Variants in ACTN2 observed in about 807,000 individuals in gnomAD.
The protein encoded by ACTN2 is actinin alpha 2.
ACTN2 carries 39 observed loss-of-function variants against 113.8 expected under a neutral mutation model. The observed-to-expected ratio is 0.34, with a 90% CI of 0.27 to 0.45. ACTN2 has a LOEUF of 0.45. Among genes scored for constraint, ACTN2 ranks in the 20% least tolerant of loss-of-function variants. The probability of loss-of-function intolerance (pLI) is 1.00; values close to 1 mark genes in which losing one functional copy is unlikely to be tolerated. For synonymous variants in ACTN2, 429 were observed against 444.1 expected (o/e 0.97, Z 0.43); for missense variants, 992 against 1,177.9 (o/e 0.84, Z 2.31).
intron 4 of ACTN2, 119 bp downstream of exon 4, chr1:236,720,310 A>G: frequency 1.2e-6 from 1 of 823,294 alleles, no homozygotes; most frequent in East Asian, 2.6e-5. Context: ...AGAGACATGT[A>G]AGTGGGTTCT....
chr1:236,745,425 C>T (rs1659203616), intron 12 of ACTN2, among the ~76,000 whole-genome samples: 1 of 152,146 alleles, frequency 6.6e-6, no homozygotes. Context: ...CAGAGCGGGA[C>T]TCCGTCTCAA....
chr1:236,688,957 G>A (rs1316231635), intron 1 of ACTN2, among the ~76,000 whole-genome samples: 2 of 152,148 alleles, frequency 1.3e-5, no homozygotes, highest in African/African-American at 4.8e-5. Context: ...CGTCCGTGGC[G>A]TTATAATGGA....
At chr1:236,734,139 C>T (rs185969541) in intron 7 of ACTN2, among the ~76,000 whole-genome samples, 147 of 152,194 alleles carry the variant, frequency 9.7e-4, no homozygotes, top group African/African-American at 2.9e-3. Flanking sequence ...TGTTCAATTC[C>T]GAGGGCCTAA....
At chr1:236,733,132 C>T (rs990718878) in intron 7 of ACTN2, among the ~76,000 whole-genome samples, 13 of 152,164 alleles carry the variant, frequency 8.5e-5, no homozygotes, top group Non-Finnish European at 2.9e-5. Context: ...CTGTCCTAAG[C>T]TAAGTTTATA....
chr1:236,757,493 G>A lies in ACTN2; in HGVS notation c.2162G>A (p.Arg721His), dbSNP rs546431200. ...KHTNYTMEHIRVGWELLLTTI... is the reference protein window; with the variant it reads ...KHTNYTMEHIHVGWELLLTTI... The stretch of plus-strand genomic sequence containing the variant: ...CCCCTTTTCCCTCAATAGCACATTC[G>A]TGTTGGATGGGAGCTGCTGCTGACA... Residue 721 changes from arginine to histidine, a missense_variant, in exon 18 of 21, where the codon CGT (arginine) becomes CAT (histidine). Physicochemically the swap from Arg to His is conservative, Grantham distance 29. Around this residue, in one of 3 missense-constraint regions of ACTN2, gnomAD observed 736 missense variants for 815.4 expected, o/e 0.90. Coordinates refer to ENST00000366578, the MANE Select transcript of ACTN2 (RefSeq NM_001103.4). 24 of 1,614,082 alleles carry A rather than the reference G, an allele frequency of 1.5e-5. No individual in the cohort carries two copies. The highest frequency in any genetic ancestry group is 5.3e-5 in the African/African-American group (4 of 75,020).
chr1:236,743,994 C>T (rs1370718217), intron 11 of ACTN2, among the ~76,000 whole-genome samples: 2 of 152,188 alleles, frequency 1.3e-5, no homozygotes, highest in Non-Finnish European at 1.5e-5. Flanking sequence ...ATTTGCTTTC[C>T]ACTTCCAATT....
chr1:236,737,230 G>T lies in ACTN2; in HGVS notation c.876+16G>T. 1 of 1,556,608 alleles carries T rather than the reference G, an allele frequency of 6.4e-7. No homozygotes were observed. The highest frequency in any genetic ancestry group is 1.1e-5 in the South Asian group (1 of 90,084). ...AGCGAGTGAGGTAAAGGAAACTGGT[G>T]ACCTGCAGTTCTGTCCATCCTCACG... On this transcript the variant is annotated intron_variant, in intron 9 of 20. Coordinates refer to ENST00000366578, the MANE Select transcript of ACTN2 (RefSeq NM_001103.4).
chr1:236,699,539 C>T (rs916235999), intron 1 of ACTN2, among the ~76,000 whole-genome samples: 4 of 152,098 alleles, frequency 2.6e-5, no homozygotes, highest in South Asian at 4.2e-4. Context: ...AAAAGAAGCC[C>T]GGATGCCTGA....
In ACTN2 at chr1:236,747,751, T is replaced by C; in HGVS notation, c.1491T>C (p.Thr497=). The C allele has an allele frequency of 1.2e-6, 2 of 1,614,034 alleles. No individual in the cohort carries two copies. The highest frequency in any genetic ancestry group is 1.6e-4 in the Middle Eastern group (1 of 6,062). Residue 497 remains threonine, a synonymous_variant, in exon 13 of 21, where the codon ACT becomes ACC. Transcript: ENST00000366578. ...CDQWDRLGTL[T]QKRREALERM... ...AGTGGGACCGACTGGGAACGCTTAC[T>C]CAGAAGAGGAGAGAAGCCCTAGAGG...
At chr1:236,748,609 C>T (rs1478155738) in intron 13 of ACTN2, among the ~76,000 whole-genome samples, 1 of 152,174 alleles carries the variant, frequency 6.6e-6, no homozygotes, top group Non-Finnish European at 1.5e-5. Context: ...CCCAGAAAGG[C>T]AAGAGGTGAT....
intron 13 of ACTN2, 85 bp from the exon 14 acceptor site, chr1:236,749,039 G>A: frequency 7.1e-7 from 1 of 1,400,248 alleles, no homozygotes; most frequent in Non-Finnish European, 1.0e-6. Context: ...TCAGAGAATA[G>A]TCTGTTCTTA....
At chr1:236,699,334 T>C (rs1419500324) in intron 1 of ACTN2, among the ~76,000 whole-genome samples, 1 of 152,168 alleles carries the variant, frequency 6.6e-6, no homozygotes, top group Non-Finnish European at 1.5e-5. Flanking sequence ...AAAACGGAAT[T>C]TTGAGGCATG....
intron 1 of ACTN2, among the ~76,000 whole-genome samples, chr1:236,701,289 A>T (rs1657666585): frequency 6.6e-6 from 1 of 152,190 alleles, no homozygotes; most frequent in Non-Finnish European, 1.5e-5. Flanking sequence ...TAGGGTAGTA[A>T]TGCCTTTTCT....
At chr1:236,719,161 CA>C in intron 3 of ACTN2, 148 bp downstream of exon 3, 1 of 1,098,762 alleles carries the variant, frequency 9.1e-7, no homozygotes, top group Non-Finnish European at 1.3e-6. Flanking sequence ...GCTCGGTGCA[CA>C]AAGATAAGAA....
At chr1:236,713,452 C>G (rs1193319767) in intron 1 of ACTN2, among the ~76,000 whole-genome samples, 1 of 152,154 alleles carries the variant, frequency 6.6e-6, no homozygotes, top group East Asian at 1.9e-4. Flanking sequence ...GTCTTGCACT[C>G]CTGATCTCAA....
At chr1:236,727,013 C>T (rs1658570478) in intron 5 of ACTN2, among the ~76,000 whole-genome samples, 1 of 152,180 alleles carries the variant, frequency 6.6e-6, no homozygotes, top group African/African-American at 2.4e-5. Context: ...AGGAACAGAA[C>T]TCCCACACTC....
In ACTN2 at chr1:236,735,640, G is replaced by A. The variant is rs754929573; in HGVS notation, c.703G>A (p.Val235Met). 1.4e-5 allele frequency: 22 copies of A among 1,613,944 alleles called. No individual in the cohort carries two copies. Among genetic ancestry groups the A allele is most frequent in the South Asian group, 5.5e-5 (5 of 91,078 alleles). Residue 235 changes from valine (V) to methionine (M), a missense_variant, in exon 8 of 21, where the codon GTG becomes ATG. Val to Met is a conservative substitution (Grantham distance 21). This residue lies in a region of ACTN2 where 220 missense variants were observed against 337.5 expected (regional missense o/e 0.65). Coordinates refer to ENST00000366578, the MANE Select transcript of ACTN2 (RefSeq NM_001103.4). ...IPKMLDAEDI[V>M]NTPKPDERAI... ...GTTATTTTCTCCCCCTTCAGACATC[G>A]TGAACACCCCTAAACCCGATGAAAG...
intron 6 of ACTN2, 125 bp downstream of exon 6, chr1:236,727,881 A>T: frequency 1.2e-6 from 1 of 856,912 alleles, no homozygotes; most frequent in Non-Finnish European, 1.9e-6. Context: ...CCACCAGGAA[A>T]AAGCACATTC....
At chr1:236,694,692 A>G (rs1189187669) in intron 1 of ACTN2, among the ~76,000 whole-genome samples, 1 of 152,122 alleles carries the variant, frequency 6.6e-6, no homozygotes, top group Non-Finnish European at 1.5e-5. Context: ...TACTCATTTA[A>G]TGCTTTTTAA....
Sources: allele counts gnomAD v4.1 joint callset (sites outside exome capture counted in the v4.1 genomes callset), GRCh38; gene constraint gnomAD v4.1.1; regional missense constraint gnomAD v4.1.1; transcripts MANE v1.5; gene names NCBI Gene and HGNC (gene_info 2026-07-23, HGNC 2026-07-21).